ERP27: variants seen among roughly 807,000 people sequenced by gnomAD.
ERP27 encodes the protein endoplasmic reticulum protein 27.
In ERP27, 23 loss-of-function variants were observed where a neutral mutation model predicts 27.7. That is an observed-to-expected ratio of 0.83 (90% CI 0.60 to 1.18). The LOEUF is 1.18. ERP27 is among the 50% of genes most tolerant of loss of function. ERP27 has a pLI of 0.00. For missense variants in ERP27, 363 were observed against 327.9 expected (o/e 1.11, Z -0.83); for synonymous variants, 159 against 118.3 (o/e 1.34, Z -2.23).
intron 3 of ERP27, among the ~76,000 whole-genome samples, chr12:14,932,479 G>T (rs1414465322): frequency 6.6e-6 from 1 of 152,178 alleles, no homozygotes; most frequent in African/African-American, 2.4e-5. Flanking sequence ...TATGTGTATA[G>T]TTGGCTACTG....
chr12:14,930,904 T>G (rs771975517), intron 3 of ERP27, among the ~76,000 whole-genome samples: 2 of 152,186 alleles, frequency 1.3e-5, no homozygotes, highest in African/African-American at 2.4e-5. Context: ...GCAGTTTGAT[T>G]AAGGAATGCT....
rs2120531242 is a variant in ERP27, at chr12:14,914,715, T to C, written c.*20A>G. On this transcript the variant is annotated 3_prime_UTR_variant, in exon 7 of 7. Transcript: ENST00000266397. Reference sequence around the variant, plus strand: ...TTTGCATAAAGTAGATACTTGGCCATATGTAGTTCCAAGGAGAAGTCAGAG... The same window carrying C: ...TTTGCATAAAGTAGATACTTGGCCACATGTAGTTCCAAGGAGAAGTCAGAG... 1 of 1,608,836 alleles carries C rather than the reference T, an allele frequency of 6.2e-7. No homozygotes were observed. The highest frequency in any genetic ancestry group is 8.5e-7 in the Non-Finnish European group (1 of 1,177,160).
At chr12:14,936,411 G>C (rs73300970) in intron 2 of ERP27, among the ~76,000 whole-genome samples, 1,962 of 152,204 alleles carry the variant, frequency 0.013, 50 homozygotes, top group African/African-American at 0.045. Context: ...TTCCATAGAC[G>C]CTGGCATCAT....
chr12:14,933,718 G>T (rs755984850), intron 3 of ERP27, among the ~76,000 whole-genome samples: 1 of 152,120 alleles, frequency 6.6e-6, no homozygotes, highest in Non-Finnish European at 1.5e-5. Flanking sequence ...GAAAGCATCA[G>T]AAACCCCTAT....
At chr12:14,935,656 G>T (rs1477296168) in intron 2 of ERP27, among the ~76,000 whole-genome samples, 1 of 152,116 alleles carries the variant, frequency 6.6e-6, no homozygotes, top group Non-Finnish European at 1.5e-5. Flanking sequence ...GTTATCACTT[G>T]ATCCCAACTC....
At chr12:14,922,620 TATC>T (rs1863522691) in intron 3 of ERP27, among the ~76,000 whole-genome samples, 1 of 152,216 alleles carries the variant, frequency 6.6e-6, no homozygotes, top group Non-Finnish European at 1.5e-5. Context: ...TAGTTAAAGT[TATC>T]ATCTTTATCG....
At chr12:14,917,368 G>A (rs1332023152) in intron 4 of ERP27, 65 bp from the exon 5 acceptor site, 13 of 1,605,356 alleles carry the variant, frequency 8.1e-6, no homozygotes, top group Admixed American at 3.3e-5. Context: ...ACCTGGGAAG[G>A]AGTGAATAGG....
At chr12:14,937,120 T>C (rs758302590) in intron 2 of ERP27, among the ~76,000 whole-genome samples, 50 of 152,262 alleles carry the variant, frequency 3.3e-4, no homozygotes, top group Admixed American at 7.8e-4. Flanking sequence ...ACGGTGTTTT[T>C]GTCTACAGCT....
At chr12:14,937,883 G>T in intron 2 of ERP27, 69 bp downstream of exon 2, 1 of 1,292,886 alleles carries the variant, frequency 7.7e-7, no homozygotes, top group South Asian at 1.2e-5. Context: ...CCAGCAGCAG[G>T]TGGCTGCTGT....
At chr12:14,926,069 C>CAA (rs35554311) in intron 3 of ERP27, among the ~76,000 whole-genome samples, 10 of 139,306 alleles carry the variant, frequency 7.2e-5, no homozygotes, top group Admixed American at 1.4e-4. Context: ...ACTCTGTCTC[C>CAA]AAAAAAAAAA....
chr12:14,938,127 CT>C (rs1863799823), intron 1 of ERP27, 75 bp from the exon 2 acceptor site: 1 of 1,205,326 alleles, frequency 8.3e-7, no homozygotes, highest in Non-Finnish European at 1.2e-6. Flanking sequence ...GCATCTATAC[CT>C]TTTATCTCTA....
chr12:14,919,063 T>C (rs968881337), intron 4 of ERP27, among the ~76,000 whole-genome samples: 4 of 152,186 alleles, frequency 2.6e-5, no homozygotes, highest in Non-Finnish European at 5.9e-5. Context: ...ACTGAGTGTG[T>C]GCATTAAAAG....
In ERP27 at chr12:14,914,665, T is replaced by G; in HGVS notation, c.*70A>C. ...TAGTGATCCTGTTGTTTAGTGTCTCTGAGATTTGAGTTGTGCCTTTTTACT... is the reference window on the plus strand; with the variant it reads ...TAGTGATCCTGTTGTTTAGTGTCTCGGAGATTTGAGTTGTGCCTTTTTACT... On this transcript the variant is annotated 3_prime_UTR_variant, in exon 7 of 7. Coordinates refer to ENST00000266397, the MANE Select transcript of ERP27 (RefSeq NM_152321.4). The G allele has an allele frequency of 7.4e-5, 107 of 1,440,732 alleles. No homozygotes were observed. The highest frequency in any genetic ancestry group is 3.5e-4 in the Middle Eastern group (2 of 5,672). The allele number at this position is 1,440,732 out of a possible 1,614,324, so 89.2% of individuals were successfully genotyped here.
chr12:14,924,265 C>T (rs1348322802), intron 3 of ERP27, among the ~76,000 whole-genome samples: 2 of 152,158 alleles, frequency 1.3e-5, no homozygotes, highest in Admixed American at 1.3e-4. Context: ...ATTTCTTTCT[C>T]CATTCATCTG....
intron 3 of ERP27, among the ~76,000 whole-genome samples, chr12:14,934,362 T>C (rs1863741711): frequency 6.6e-6 from 1 of 152,194 alleles, no homozygotes; most frequent in Admixed American, 6.5e-5. Context: ...ATATATACAA[T>C]ACCTACCATA....
Position 14,914,638 on chromosome 12 carries a change from C to G in ERP27, c.*97G>C, listed in dbSNP as rs1047285356. ...CGTGCGTGTGTGTGTGGTTGGCAGGCCTAGTGATCCTGTTGTTTAGTGTCT... is the reference window on the plus strand; with the variant it reads ...CGTGCGTGTGTGTGTGGTTGGCAGGGCTAGTGATCCTGTTGTTTAGTGTCT... On this transcript the variant is annotated 3_prime_UTR_variant, in exon 7 of 7. Transcript: ENST00000266397. 1 of 1,150,546 alleles carries G rather than the reference C, an allele frequency of 8.7e-7. No homozygotes were observed. The highest frequency in any genetic ancestry group is 1.3e-6 in the Non-Finnish European group (1 of 786,616). 71.3% of individuals were successfully genotyped at this position (1,150,546 alleles called of 1,614,324 possible).
At chr12:14,935,958 G>A (rs1863766822) in intron 2 of ERP27, among the ~76,000 whole-genome samples, 3 of 152,068 alleles carry the variant, frequency 2.0e-5, no homozygotes, top group African/African-American at 4.8e-5. Flanking sequence ...CTGAGCTCAG[G>A]CAATCCACCT....
rs1324757077 is a variant in ERP27, at chr12:14,917,228, C to T, written c.526G>A (p.Glu176Lys). 1.2e-6 allele frequency: 2 copies of T among 1,614,036 alleles called. No individual in the cohort carries two copies. Among genetic ancestry groups the T allele is most frequent in the African/African-American group, 2.7e-5 (2 of 74,926 alleles). Residue 176 changes from glutamate (E) to lysine (K), a missense_variant, in exon 5 of 7, where the codon GAA becomes AAA. Transcript: ENST00000266397. ...TTCTGGTATCTGTGCATGTTCTCTT[C>T]ATACTCTGGGGAGGCCTTGTTCATT... ...LIMNKASPEY[E>K]ENMHRYQKAA...
rs118050683 is a variant in ERP27 at position 14,918,161 on chromosome 12, G to A, written c.451-858C>T. Among the ~76,000 whole-genome samples, 80 of 152,258 alleles carry A rather than the reference G, an allele frequency of 5.3e-4. 1 individual carries two copies. The East Asian group carries it at 0.015, about 29-fold the overall frequency. Reference sequence around the variant, plus strand: ...CCAGTTTTTCAAATGAGGAAATTGAGGCATAGATAGACTAATTCTCCAAGA... The same window carrying A: ...CCAGTTTTTCAAATGAGGAAATTGAAGCATAGATAGACTAATTCTCCAAGA... On this transcript the variant is annotated intron_variant, in intron 4 of 6. Transcript: ENST00000266397.
Sources: allele counts gnomAD v4.1 joint callset (sites outside exome capture counted in the v4.1 genomes callset), GRCh38; gene constraint gnomAD v4.1.1; transcripts MANE v1.5; gene names NCBI Gene and HGNC (gene_info 2026-07-23, HGNC 2026-07-21).